Variants in XYLT1 observed in about 807,000 individuals in gnomAD.
XYLT1 encodes the protein beta-D-xylosyltransferase 1.
Under a neutral mutation model 91.3 loss-of-function variants are expected in XYLT1, and 36 were observed. The ratio of observed to expected loss-of-function variants is 0.39; its 90% confidence interval spans 0.30 to 0.52. The LOEUF is 0.52. Among genes scored for constraint, XYLT1 ranks in the 20% least tolerant of loss-of-function variants. The probability of loss-of-function intolerance (pLI) is 0.68; values close to 1 mark genes in which losing one functional copy is unlikely to be tolerated. For synonymous variants in XYLT1, 588 were observed against 532.0 expected, an observed-to-expected ratio of 1.11 and a Z score of -1.45; for missense variants, 1,242 against 1,284.5, an observed-to-expected ratio of 0.97 and a Z score of 0.51.
chr16:17,281,813 G>T (rs1388723061), intron 2 of XYLT1, among the ~76,000 whole-genome samples: 2 of 152,196 alleles, frequency 1.3e-5, no homozygotes, highest in Non-Finnish European at 2.9e-5. Flanking sequence ...GCCACCGTGG[G>T]CCACAAACAC....
chr16:17,233,250 C>T (rs117445246), intron 3 of XYLT1, among the ~76,000 whole-genome samples: 1,614 of 152,322 alleles, frequency 0.011, 16 homozygotes, highest in South Asian at 0.019. Context: ...CATGCCCAGC[C>T]TCAAAACACT....
At chr16:17,240,642 G>A (rs722075) in intron 3 of XYLT1, among the ~76,000 whole-genome samples, 27,857 of 152,078 alleles carry the variant, frequency 0.18, 2,653 homozygotes, top group Non-Finnish European at 0.19. Context: ...CAAGCTCTTC[G>A]GGACCAAGCC....
chr16:17,255,750 G>A (rs1190012164), intron 3 of XYLT1, among the ~76,000 whole-genome samples: 1 of 152,176 alleles, frequency 6.6e-6, no homozygotes, highest in Non-Finnish European at 1.5e-5. Flanking sequence ...GCTCATGCCT[G>A]TAATCCCAGC....
chr16:17,302,690 T>C (rs2034414576), intron 2 of XYLT1, among the ~76,000 whole-genome samples: 1 of 152,188 alleles, frequency 6.6e-6, no homozygotes, highest in Non-Finnish European at 1.5e-5. Context: ...ATTTTTGCAG[T>C]CTTATTTTGT....
At chr16:17,323,192 A>T (rs2034750347) in intron 2 of XYLT1, among the ~76,000 whole-genome samples, 1 of 152,062 alleles carries the variant, frequency 6.6e-6, no homozygotes, top group South Asian at 2.1e-4. Context: ...GTTCTAATTG[A>T]TTTTCTATGA....
intron 1 of XYLT1, among the ~76,000 whole-genome samples, chr16:17,405,240 C>T (rs1305346892): frequency 6.6e-6 from 1 of 152,178 alleles, no homozygotes. Flanking sequence ...CTCCTGGAAT[C>T]GGGGCCCTGC....
intron 3 of XYLT1, among the ~76,000 whole-genome samples, chr16:17,215,191 A>T (rs534998525): frequency 9.2e-5 from 14 of 152,308 alleles, no homozygotes; most frequent in African/African-American, 3.1e-4. Flanking sequence ...ACTTGTCTCT[A>T]TTAAAAATAC....
At chr16:17,336,796 T>A (rs547069828) in intron 2 of XYLT1, among the ~76,000 whole-genome samples, 1 of 152,322 alleles carries the variant, frequency 6.6e-6, no homozygotes, top group East Asian at 1.9e-4. Context: ...CCTTGCTCCC[T>A]GCCAGTGGCT....
chr16:17,430,678 C>T (rs1255610684), intron 1 of XYLT1, among the ~76,000 whole-genome samples: 1 of 152,102 alleles, frequency 6.6e-6, no homozygotes, highest in African/African-American at 2.4e-5. Flanking sequence ...TTTTTCCCCA[C>T]CCTAATTTGT....
intron 1 of XYLT1, among the ~76,000 whole-genome samples, chr16:17,444,047 A>G (rs778722854): frequency 6.6e-5 from 10 of 152,136 alleles, no homozygotes; most frequent in Non-Finnish European, 1.3e-4. Context: ...AACTCTTTGA[A>G]TCCCAAGCTT....
chr16:17,385,089 T>C (rs980447462), intron 1 of XYLT1, among the ~76,000 whole-genome samples: 1 of 151,742 alleles, frequency 6.6e-6, no homozygotes, highest in Non-Finnish European at 1.5e-5. Flanking sequence ...TCTCTGCATT[T>C]ACTCCCAAAG....
Position 17,217,612 on chromosome 16 carries a change from C to T in XYLT1, c.914-16958G>A, listed in dbSNP as rs146856811. On this transcript the variant is annotated intron_variant, in intron 3 of 11. Transcript: ENST00000261381. The stretch of plus-strand genomic sequence containing the variant: ...TTCTCAAATGTTCACAGAGCAGCTA[C>T]GCTGCCAGGCACTGAGAATGCCCAA... Among the ~76,000 whole-genome samples, 265 of 152,338 alleles carry T rather than the reference C, an allele frequency of 1.7e-3. 1 individual carries two copies. The highest frequency in any genetic ancestry group is 5.6e-3 in the African/African-American group (232 of 41,576).
intron 1 of XYLT1, among the ~76,000 whole-genome samples, chr16:17,449,506 C>T (rs183369091): frequency 5.9e-5 from 9 of 152,350 alleles, no homozygotes; most frequent in Non-Finnish European, 8.8e-5. Context: ...CATCAAGTGA[C>T]GTGGTGGTTA....
intron 2 of XYLT1, among the ~76,000 whole-genome samples, chr16:17,319,994 C>G (rs1216777116): frequency 5.3e-5 from 8 of 152,174 alleles, no homozygotes; most frequent in Non-Finnish European, 2.9e-5. Flanking sequence ...CTGCCCAGAA[C>G]AGCCTTTCTT....
intron 2 of XYLT1, among the ~76,000 whole-genome samples, chr16:17,348,115 A>G (rs780895150): frequency 3.3e-5 from 5 of 152,166 alleles, no homozygotes; most frequent in Non-Finnish European, 7.3e-5. Flanking sequence ...CTGGAGGCCC[A>G]GAGAAGAAAG....
intron 3 of XYLT1, among the ~76,000 whole-genome samples, chr16:17,214,780 T>C (rs1021764310): frequency 1.3e-5 from 2 of 152,220 alleles, no homozygotes; most frequent in Admixed American, 6.5e-5. Context: ...GCCATCATTA[T>C]TGTTGCCTTA....
At chr16:17,456,721 G>A (rs2036748749) in intron 1 of XYLT1, among the ~76,000 whole-genome samples, 1 of 152,110 alleles carries the variant, frequency 6.6e-6, no homozygotes, top group Admixed American at 6.5e-5. Flanking sequence ...CACATGCATG[G>A]CATTTGACAC....
chr16:17,326,288 T>C (rs1440232814), intron 2 of XYLT1, among the ~76,000 whole-genome samples: 2 of 152,214 alleles, frequency 1.3e-5, no homozygotes, highest in African/African-American at 4.8e-5. Flanking sequence ...TGAAACTTTA[T>C]ACCAATTGGA....
intron 2 of XYLT1, among the ~76,000 whole-genome samples, chr16:17,303,317 C>T (rs2034425178): frequency 6.6e-6 from 1 of 152,212 alleles, no homozygotes. Flanking sequence ...TGCATATTAT[C>T]TACAGCTACT....
Sources: allele counts gnomAD v4.1 joint callset (sites outside exome capture counted in the v4.1 genomes callset), GRCh38; gene constraint gnomAD v4.1.1; transcripts MANE v1.5; gene names NCBI Gene and HGNC (gene_info 2026-07-23, HGNC 2026-07-21).